Variants in DGKZ observed in about 807,000 individuals in gnomAD.
The protein encoded by DGKZ is diacylglycerol kinase zeta, also known as DAG kinase zeta.
In DGKZ, 45 loss-of-function variants were observed where a neutral mutation model predicts 142.5. The observed-to-expected ratio is 0.32, with a 90% CI of 0.25 to 0.40. DGKZ has a LOEUF of 0.40. Ranked by LOEUF, DGKZ falls within the 10% of genes least tolerant of loss-of-function variation. The pLI is 1.00. For missense variants in DGKZ, 755 were observed against 1,306.5 expected, an observed-to-expected ratio of 0.58 and a Z score of 6.51; for synonymous variants, 442 against 527.0, an observed-to-expected ratio of 0.84 and a Z score of 2.21.
intron 1 of DGKZ, among the ~76,000 whole-genome samples, chr11:46,362,261 C>G (rs1942747825): frequency 6.6e-6 from 1 of 152,158 alleles, no homozygotes; most frequent in Non-Finnish European, 1.5e-5. Context: ...AGTGGGCGCT[C>G]TGGGTCAGTC....
chr11:46,378,409 C>T (rs371536427), intron 26 of DGKZ, 48 bp from the exon 27 acceptor site: 10 of 1,562,764 alleles, frequency 6.4e-6, no homozygotes, highest in African/African-American at 1.4e-5. Flanking sequence ...GGCACCAACC[C>T]AAGCCCAGGC....
exon 1 of DGKZ, chr11:46,333,317 G>T: frequency 7.5e-7 from 1 of 1,325,710 alleles, no homozygotes; most frequent in South Asian, 2.0e-5. Flanking sequence ...GCTGGGACTG[G>T]GCTGGCGGCG....
At chr11:46,371,164 G>A in intron 6 of DGKZ, 149 bp from the exon 7 acceptor site, 1 of 684,172 alleles carries the variant, frequency 1.5e-6, no homozygotes, top group Non-Finnish European at 2.5e-6. Context: ...GGGGGGCTGA[G>A]GCAGATTGCT....
intron 25 of DGKZ, 116 bp downstream of exon 25, chr11:46,377,328 G>A: frequency 7.0e-7 from 1 of 1,436,738 alleles, no homozygotes; most frequent in Non-Finnish European, 9.2e-7. Flanking sequence ...GTGTCAACCT[G>A]AACCTGGCCA....
chr11:46,374,028 C>A, intron 14 of DGKZ, 129 bp from the exon 15 acceptor site: 1 of 970,922 alleles, frequency 1.0e-6, no homozygotes, highest in Non-Finnish European at 1.6e-6. Flanking sequence ...GGGCTGAGCC[C>A]TAGCGGACGC....
chr11:46,368,113 C>T (rs200372890), intron 4 of DGKZ, 34 bp downstream of exon 4: 5 of 1,608,904 alleles, frequency 3.1e-6, no homozygotes, highest in Non-Finnish European at 4.3e-6. Context: ...CCGCCCCTGC[C>T]CTTTGGGTGC....
intron 24 of DGKZ, 105 bp from the exon 25 acceptor site, chr11:46,376,968 A>T: frequency 9.7e-7 from 1 of 1,033,618 alleles, no homozygotes; most frequent in Non-Finnish European, 1.5e-6. Context: ...ACCTCCTTTC[A>T]GTGTTTGTGC....
chr11:46,369,796 A>T, intron 5 of DGKZ, 145 bp from the exon 6 acceptor site: 1 of 955,978 alleles, frequency 1.0e-6, no homozygotes, highest in Non-Finnish European at 1.6e-6. Flanking sequence ...CCAGGCCATG[A>T]AGAGAGTCTT....
chr11:46,333,562 T>G, intron 1 of DGKZ: 2 of 1,345,876 alleles, frequency 1.5e-6, no homozygotes, highest in Non-Finnish European at 2.0e-6. Flanking sequence ...CACAAACGTT[T>G]ATTGTGCGCC....
chr11:46,350,242 C>T (rs1330679544), intron 1 of DGKZ, among the ~76,000 whole-genome samples: 1 of 152,136 alleles, frequency 6.6e-6, no homozygotes, highest in African/African-American at 2.4e-5. Flanking sequence ...GCCTCCTTCC[C>T]TTTGACTTGA....
At chr11:46,379,609 C>G (rs1944988644) in intron 30 of DGKZ, 41 bp downstream of exon 30, 1 of 1,540,082 alleles carries the variant, frequency 6.5e-7, no homozygotes. Context: ...GGGCACCAAC[C>G]AAACCTTTCC....
chr11:46,337,515 C>T (rs1940073199), intron 1 of DGKZ, among the ~76,000 whole-genome samples: 1 of 151,936 alleles, frequency 6.6e-6, no homozygotes, highest in African/African-American at 2.4e-5. Context: ...AGGCTGTTCT[C>T]AAACTCCTGA....
At chr11:46,378,377 C>T (rs1203831812) in intron 26 of DGKZ, 80 bp from the exon 27 acceptor site, 7 of 1,545,596 alleles carry the variant, frequency 4.5e-6, no homozygotes, top group Non-Finnish European at 6.1e-6. Context: ...ACATGCCTGG[C>T]CGGCACAGTC....
intron 14 of DGKZ, 58 bp from the exon 15 acceptor site, chr11:46,374,099 T>C (rs1359611553): frequency 1.9e-6 from 3 of 1,588,708 alleles, no homozygotes; most frequent in African/African-American, 1.3e-5. Flanking sequence ...ACGAGGCCCC[T>C]GGAGCGGGGA....
chr11:46,361,431 T>G (rs1310591049), intron 1 of DGKZ: 1 of 163,360 alleles, frequency 6.1e-6, no homozygotes, highest in Non-Finnish European at 1.3e-5. Context: ...GGCACGCTCG[T>G]GCGCTGTGTG....
Position 46,367,175 on chromosome 11 carries a change from G to T in DGKZ, c.162-116G>T. On this transcript the variant is annotated intron_variant, in intron 1 of 30. Transcript: ENST00000527911. This position sits in a 1 kb window ranked among gnomAD's most constrained non-coding sequence, Gnocchi z 4.1. ...CTCTTAGTGTCTGGGGCTGCTGGGA[G>T]GCTCCTCCGCCCTCCCTGTTGCCGA... is the stretch of plus-strand genomic sequence containing the variant. The T allele has an allele frequency of 7.9e-7, 1 of 1,265,292 alleles. No individual in the cohort carries two copies. The highest frequency in any genetic ancestry group is 1.1e-6 in the Non-Finnish European group (1 of 889,168). 78.4% of individuals were successfully genotyped at this position (1,265,292 alleles called of 1,614,324 possible).
upstream of DGKZ, chr11:46,347,396 G>A: frequency 2.0e-6 from 2 of 983,690 alleles, no homozygotes; most frequent in South Asian, 4.6e-5. This position sits in a 1 kb window ranked among gnomAD's most constrained non-coding sequence, Gnocchi z 6.4. Context: ...GCGGCCGAGG[G>A]GGCGTGCTCG....
At chr11:46,379,354 G>A (rs1408945707) in intron 29 of DGKZ, 115 bp from the exon 30 acceptor site, 2 of 1,571,642 alleles carry the variant, frequency 1.3e-6, no homozygotes, top group African/African-American at 2.7e-5. Context: ...CATCCCCTGG[G>A]CCACCCCTAT....
At chr11:46,369,210 C>A in intron 4 of DGKZ, 1 of 523,486 alleles carries the variant, frequency 1.9e-6, no homozygotes. Flanking sequence ...AACGAGCAAA[C>A]CATGGTCCCA....
Sources: gnomAD v4.1 joint callset for allele counts (sites outside exome capture counted in the v4.1 genomes callset) on GRCh38, gnomAD v4.1.1 for gene constraint, Gnocchi (gnomAD v3.1) non-coding constraint, MANE v1.5 for transcripts, NCBI Gene and HGNC (gene_info 2026-07-23, HGNC 2026-07-21) for gene names.